SMARCA2: variants seen among roughly 807,000 people sequenced by gnomAD.
The protein encoded by SMARCA2 is SWI/SNF-related matrix-associated actin-dependent regulator of chromatin subfamily A member 2.
In SMARCA2, 61 loss-of-function variants were observed where a neutral mutation model predicts 199.8. The observed-to-expected ratio is 0.31, with a 90% confidence interval of 0.25 to 0.38. The LOEUF is 0.38. Ranked by LOEUF, SMARCA2 falls within the 10% of genes least tolerant of loss-of-function variation. The probability of loss-of-function intolerance (pLI) is 1.00; values close to 1 mark genes in which losing one functional copy is unlikely to be tolerated. For synonymous variants in SMARCA2, 935 were observed against 732.0 expected, an observed-to-expected ratio of 1.28 and a Z score of -4.48; for missense variants, 1,344 against 2,012.2, an observed-to-expected ratio of 0.67 and a Z score of 6.35.
At chr9:2,084,839 A>G (rs1821731950) in intron 17 of SMARCA2, among the ~76,000 whole-genome samples, 4 of 152,202 alleles carry the variant, frequency 2.6e-5, no homozygotes, top group Admixed American at 2.6e-4. Flanking sequence ...GTTGTTCCTT[A>G]GCCACAAAGT....
At chr9:2,138,497 C>T (rs997744699) in intron 27 of SMARCA2, among the ~76,000 whole-genome samples, 3 of 152,252 alleles carry the variant, frequency 2.0e-5, no homozygotes, top group Admixed American at 6.5e-5. Context: ...TTCCCTTGGA[C>T]CTTTGTAGAA....
chr9:2,077,446 C>CTTT (rs1183802356), intron 13 of SMARCA2, among the ~76,000 whole-genome samples, 183 bp from the exon 14 acceptor site: 4 of 152,156 alleles, frequency 2.6e-5, no homozygotes, highest in African/African-American at 9.7e-5. Flanking sequence ...ATCATAACGC[C>CTTT]TTTTGTGCTT....
chr9:2,172,095 C>G (rs1826278202), intron 29 of SMARCA2, among the ~76,000 whole-genome samples: 1 of 152,168 alleles, frequency 6.6e-6, no homozygotes, highest in African/African-American at 2.4e-5. Context: ...GTCTGTCACA[C>G]ACACTTCCTT....
chr9:2,082,701 C>T (rs1057394195), intron 15 of SMARCA2, among the ~76,000 whole-genome samples: 2 of 152,178 alleles, frequency 1.3e-5, no homozygotes, highest in African/African-American at 4.8e-5. Context: ...TTATAGATCT[C>T]AATGCTGATA....
chr9:2,130,841 C>T (rs1454058746), intron 27 of SMARCA2, among the ~76,000 whole-genome samples: 1 of 152,176 alleles, frequency 6.6e-6, no homozygotes, highest in African/African-American at 2.4e-5. Flanking sequence ...TACCTAAATT[C>T]TGACAAGCCC....
chr9:2,132,559 G>A (rs2130655854), intron 27 of SMARCA2, among the ~76,000 whole-genome samples: 1 of 152,316 alleles, frequency 6.6e-6, no homozygotes, highest in African/African-American at 2.4e-5. Flanking sequence ...TCTGTAAGAT[G>A]TGAGAAGCTT....
At chr9:2,112,703 C>T (rs1339274775) in intron 24 of SMARCA2, among the ~76,000 whole-genome samples, 1 of 152,198 alleles carries the variant, frequency 6.6e-6, no homozygotes, top group Non-Finnish European at 1.5e-5. Flanking sequence ...TCACTTCCAC[C>T]TGATTGAATA....
chr9:2,084,043 T>A, intron 16 of SMARCA2, 43 bp from the exon 17 acceptor site: 1 of 1,045,032 alleles, frequency 9.6e-7, no homozygotes, highest in Non-Finnish European at 1.5e-6. Context: ...AATGCACATA[T>A]ATGTCCATAG....
chr9:2,051,852 A>C (rs1443421676), intron 5 of SMARCA2, among the ~76,000 whole-genome samples: 1 of 152,246 alleles, frequency 6.6e-6, no homozygotes, highest in Non-Finnish European at 1.5e-5. Context: ...TATTTCAAAA[A>C]AAATCAATAG....
chr9:2,092,437 CTT>C, intron 19 of SMARCA2, among the ~76,000 whole-genome samples: 1 of 152,286 alleles, frequency 6.6e-6, no homozygotes, highest in African/African-American at 2.4e-5. Context: ...GAACCTGAGA[CTT>C]TTCATAAATT....
chr9:2,191,437 G>A lies in SMARCA2; in HGVS notation c.4737+29G>A, dbSNP rs748191617. 4.8e-5 allele frequency: 78 copies of A among 1,612,086 alleles called. 1 individual carries two copies. In the South Asian group the frequency reaches 5.4e-4, roughly 11 times the overall value. ...AGTGTAGCCGACTGGGACTGAAGGCGGAGACGCCCTCTCCCCTGCTTGCTG... is the reference window on the plus strand; with the variant it reads ...AGTGTAGCCGACTGGGACTGAAGGCAGAGACGCCCTCTCCCCTGCTTGCTG... On this transcript the variant is annotated intron_variant, in intron 33 of 33. Transcript: ENST00000349721.
At chr9:2,131,811 G>A (rs960907674) in intron 27 of SMARCA2, among the ~76,000 whole-genome samples, 9 of 151,940 alleles carry the variant, frequency 5.9e-5, no homozygotes, top group African/African-American at 2.2e-4. Flanking sequence ...GTGGTGGCGG[G>A]TGCCTGTAAT....
intron 4 of SMARCA2, chr9:2,041,263 A>T: frequency 2.5e-6 from 1 of 398,510 alleles, no homozygotes; most frequent in Non-Finnish European, 4.4e-6. Flanking sequence ...TGTCTTAGTA[A>T]GTCTGAGCTG....
chr9:2,069,940 C>CT (rs2130409212), intron 9 of SMARCA2, among the ~76,000 whole-genome samples: 1 of 152,326 alleles, frequency 6.6e-6, no homozygotes, highest in African/African-American at 2.4e-5. Flanking sequence ...CCACTCCCTC[C>CT]TTCCCCCCCA....
chr9:2,035,705 T>G (rs903259202), intron 3 of SMARCA2, among the ~76,000 whole-genome samples: 3 of 152,188 alleles, frequency 2.0e-5, no homozygotes, highest in African/African-American at 7.2e-5. Flanking sequence ...TGATCTCAAC[T>G]TTTATATAAT....
rs1818416237 is a variant in SMARCA2, at chr9:2,017,624, T to G, written c.-37+2220T>G. On this transcript the variant is annotated intron_variant, in intron 1 of 33. Coordinates refer to ENST00000349721, the MANE Select transcript of SMARCA2 (RefSeq NM_003070.5). The surrounding 1 kb of genome is among the most constrained non-coding windows in gnomAD (Gnocchi z 8.8). ...GCGAAGCGCACACAGCACACAGACA[T>G]GTTTGATTGCCGTGACATGACGCGC... 1 of 151,992 alleles carries G rather than the reference T, an allele frequency of 6.6e-6. No homozygotes were observed. The allele number at this position is 151,992 out of a possible 1,614,324, so 9.4% of individuals were successfully genotyped here. A position where few individuals can be genotyped will look rare whatever the true frequency, so the allele number is the denominator to read the frequency against.
chr9:2,085,416 G>A (rs1165883435), intron 17 of SMARCA2, among the ~76,000 whole-genome samples: 2 of 152,160 alleles, frequency 1.3e-5, no homozygotes, highest in African/African-American at 4.8e-5. Context: ...TTGTCCAAGT[G>A]GAAGACCTAA....
intron 1 of SMARCA2, among the ~76,000 whole-genome samples, chr9:2,021,223 G>A (rs1236151926): frequency 6.6e-6 from 1 of 152,060 alleles, no homozygotes; most frequent in Non-Finnish European, 1.5e-5. Flanking sequence ...TTTGTAAGTT[G>A]ATGAATGGGA....
At chr9:2,029,771 G>A (rs1818982310) in intron 2 of SMARCA2, among the ~76,000 whole-genome samples, 2 of 152,184 alleles carry the variant, frequency 1.3e-5, no homozygotes, top group Non-Finnish European at 2.9e-5. Context: ...GTCTCTCTGT[G>A]AAGCACTTTT....
Sources: gnomAD v4.1 joint callset for allele counts (sites outside exome capture counted in the v4.1 genomes callset) on GRCh38, gnomAD v4.1.1 for gene constraint, Gnocchi (gnomAD v3.1) non-coding constraint, MANE v1.5 for transcripts, NCBI Gene and HGNC (gene_info 2026-07-23, HGNC 2026-07-21) for gene names.